The following POLK variants were observed in gnomAD, a reference collection of about 807,000 sequenced individuals.
The protein encoded by POLK is polymerase (DNA directed) kappa.
In POLK, 76 loss-of-function variants were observed where a neutral mutation model predicts 94.0. The observed-to-expected ratio is 0.81, with a 90% CI of 0.67 to 0.98. The LOEUF is 0.98. POLK is among the 50% of genes least tolerant of loss of function. POLK has a pLI of 0.00. For missense variants in POLK, 954 were observed against 1,010.1 expected, an observed-to-expected ratio of 0.94 and a Z score of 0.75; for synonymous variants, 349 against 325.4, an observed-to-expected ratio of 1.07 and a Z score of -0.78.
At chr5:75,548,198 A>G (rs1242437972) in intron 2 of POLK, among the ~76,000 whole-genome samples, 2 of 152,230 alleles carry the variant, frequency 1.3e-5, no homozygotes, top group African/African-American at 4.8e-5. Context: ...CTGGGATTAT[A>G]GGCATGAGCT....
intron 10 of POLK, among the ~76,000 whole-genome samples, chr5:75,590,044 T>C (rs1772697519): frequency 1.3e-5 from 2 of 152,206 alleles, no homozygotes; most frequent in South Asian, 4.1e-4. Context: ...CTAATCTGTT[T>C]TAAGTTCTGG....
intron 3 of POLK, among the ~76,000 whole-genome samples, chr5:75,557,467 A>G (rs534059528): frequency 7.2e-5 from 11 of 152,316 alleles, no homozygotes; most frequent in Admixed American, 1.3e-4. Context: ...AACATGGAAT[A>G]TCTCTCCATT....
intron 3 of POLK, among the ~76,000 whole-genome samples, chr5:75,563,649 A>G (rs1261581997): frequency 6.6e-6 from 1 of 152,076 alleles, no homozygotes; most frequent in Non-Finnish European, 1.5e-5. Context: ...CCTTAATTTC[A>G]TATTTATCCA....
At chr5:75,526,537 A>T (rs1768851379) in intron 1 of POLK, among the ~76,000 whole-genome samples, 1 of 149,616 alleles carries the variant, frequency 6.7e-6, no homozygotes, top group Admixed American at 6.7e-5. Flanking sequence ...GATGATTTAA[A>T]CAGAGATAAA....
chr5:75,596,944 T>G (rs767112625), exon 13 of POLK: 13 of 1,613,620 alleles, frequency 8.1e-6, no homozygotes, highest in Non-Finnish European at 1.0e-5. Context: ...TACTGTTTCA[T>G]TGGAAAACGA....
intron 1 of POLK, among the ~76,000 whole-genome samples, chr5:75,527,433 T>C (rs1025131883): frequency 1.3e-5 from 2 of 150,512 alleles, no homozygotes; most frequent in East Asian, 2.0e-4. Context: ...AGTGGAAGGA[T>C]TGAATGACTG....
At chr5:75,526,912 T>G (rs1768887496) in intron 1 of POLK, among the ~76,000 whole-genome samples, 1 of 152,152 alleles carries the variant, frequency 6.6e-6, no homozygotes, top group African/African-American at 2.4e-5. Context: ...TAAAACCATT[T>G]ATTTTCTTTT....
chr5:75,522,910 A>G (rs1768655092), intron 1 of POLK, among the ~76,000 whole-genome samples: 1 of 152,174 alleles, frequency 6.6e-6, no homozygotes, highest in Non-Finnish European at 1.5e-5. Flanking sequence ...AAAATAAGAT[A>G]TAAAATATTA....
intron 6 of POLK, chr5:75,580,535 A>T: frequency 1.4e-6 from 1 of 735,326 alleles, no homozygotes; most frequent in Non-Finnish European, 1.7e-6. Flanking sequence ...TCTTTTTCTT[A>T]AACTTGGATT....
chr5:75,576,294 G>A (rs1331305235), intron 5 of POLK, among the ~76,000 whole-genome samples: 1 of 152,054 alleles, frequency 6.6e-6, no homozygotes, highest in African/African-American at 2.4e-5. Context: ...TTATGTGCAT[G>A]TTATAATTAA....
intron 1 of POLK, among the ~76,000 whole-genome samples, chr5:75,517,186 CA>C (rs112520440): frequency 0.072 from 11,023 of 152,144 alleles, 922 homozygotes; most frequent in African/African-American, 0.2. Context: ...TGAAGAATGT[CA>C]CTGGTATTTT....
At chr5:75,585,594 G>A (rs1270595702) in intron 9 of POLK, among the ~76,000 whole-genome samples, 1 of 152,098 alleles carries the variant, frequency 6.6e-6, no homozygotes, top group Non-Finnish European at 1.5e-5. Context: ...GGCTGGAAGA[G>A]GGAACAGGTG....
At chr5:75,536,019 T>A (rs1394450097) in intron 1 of POLK, among the ~76,000 whole-genome samples, 4 of 152,224 alleles carry the variant, frequency 2.6e-5, no homozygotes, top group African/African-American at 9.6e-5. Flanking sequence ...GAGGACACTC[T>A]GGCTTTTTGA....
intron 3 of POLK, among the ~76,000 whole-genome samples, chr5:75,567,092 G>A (rs965990269): frequency 3.9e-5 from 6 of 152,236 alleles, no homozygotes; most frequent in Middle Eastern, 3.4e-3. Context: ...GTTTCCTTTT[G>A]GCAACTACAC....
Position 75,569,329 on chromosome 5 carries a change from A to T in POLK, c.256-11A>T, listed in dbSNP as rs529866002. 4.4e-6 allele frequency: 7 copies of T among 1,589,046 alleles called. No individual in the cohort carries two copies. The highest frequency in any genetic ancestry group is 3.4e-5 in the South Asian group (3 of 88,102). On this transcript the variant is annotated splice_polypyrimidine_tract_variant and intron_variant, in intron 3 of 14. Coordinates refer to ENST00000241436, the Ensembl canonical transcript of POLK. ...TGTCTAAAAGTATGTTAACTTTTTT[A>T]AAAAATTAAGGTTGACAGATTTGCA...
intron 3 of POLK, among the ~76,000 whole-genome samples, chr5:75,567,297 T>C (rs1771330655): frequency 6.6e-6 from 1 of 152,366 alleles, no homozygotes; most frequent in East Asian, 1.9e-4. Flanking sequence ...TTAGGTATAT[T>C]TTCTGGATTA....
At chr5:75,575,158 C>G (rs1397558700) in intron 5 of POLK, among the ~76,000 whole-genome samples, 2 of 152,142 alleles carry the variant, frequency 1.3e-5, no homozygotes, top group African/African-American at 4.8e-5. Flanking sequence ...ATATTCATGA[C>G]TTGGTTAGAA....
chr5:75,511,829 T>G (rs533354077), exon 1 of POLK: 1 of 1,550,818 alleles, frequency 6.4e-7, no homozygotes, highest in East Asian at 2.4e-5. Flanking sequence ...GGGGTAGGGA[T>G]GCAGCTGTGC....
intron 6 of POLK, among the ~76,000 whole-genome samples, chr5:75,580,179 A>G (rs1772124475): frequency 6.6e-6 from 1 of 152,084 alleles, no homozygotes; most frequent in Non-Finnish European, 1.5e-5. Context: ...ACATTTTTCA[A>G]GTAATATACA....
Sources: gnomAD v4.1 joint callset for allele counts (sites outside exome capture counted in the v4.1 genomes callset) on GRCh38, gnomAD v4.1.1 for gene constraint, MANE v1.5 for transcripts, NCBI Gene and HGNC (gene_info 2026-07-23, HGNC 2026-07-21) for gene names.